The following HM13 variants were observed in gnomAD, a reference collection of about 807,000 sequenced individuals.
The protein encoded by HM13 is histocompatibility minor 13.
HM13 carries 18 observed loss-of-function variants against 50.0 expected under a neutral mutation model. The ratio of observed to expected loss-of-function variants is 0.36; its 90% CI spans 0.25 to 0.53. The LOEUF is 0.53. Ranked by LOEUF, HM13 falls within the 20% of genes least tolerant of loss-of-function variation. The pLI is 0.90. For missense variants in HM13, 393 were observed against 552.4 expected (o/e 0.71, Z 2.89); for synonymous variants, 197 against 232.6 (o/e 0.85, Z 1.39).
chr20:31,560,570 G>A (rs1271927754), intron 9 of HM13, among the ~76,000 whole-genome samples: 1 of 152,232 alleles, frequency 6.6e-6, no homozygotes, highest in Non-Finnish European at 1.5e-5. Flanking sequence ...CAGTCTGTAA[G>A]TAGAGGGATG....
chr20:31,523,049 G>T (rs1340395225), intron 1 of HM13, among the ~76,000 whole-genome samples: 1 of 149,278 alleles, frequency 6.7e-6, no homozygotes, highest in African/African-American at 2.5e-5. Flanking sequence ...TTTTTGGGAG[G>T]GGGGCTTTTT....
intron 10 of HM13, among the ~76,000 whole-genome samples, chr20:31,562,996 G>A (rs1378845200): frequency 3.9e-5 from 6 of 152,174 alleles, no homozygotes; most frequent in Non-Finnish European, 8.8e-5. Flanking sequence ...AATTCCCCCA[G>A]TGGCCATAAG....
intron 7 of HM13, chr20:31,550,376 G>A (rs1439782394): frequency 1.6e-5 from 8 of 503,354 alleles, no homozygotes; most frequent in African/African-American, 5.8e-5. Context: ...GCATGGAGGG[G>A]AAGTGTTTAA....
At chr20:31,521,544 A>G (rs1298950849) in intron 1 of HM13, among the ~76,000 whole-genome samples, 3 of 152,160 alleles carry the variant, frequency 2.0e-5, no homozygotes, top group Non-Finnish European at 1.5e-5. Context: ...CCTGACTAAC[A>G]TGGTGAAACC....
At position 31,549,192 on chromosome 20, in the gene HM13, C is replaced by A; in HGVS notation, c.541-15C>A. ...TGGGTCACAGCAAGCTGGTCTCACT[C>A]CCCGCTTTCCTCAGCACTGGATTGC... On this transcript the variant is annotated splice_polypyrimidine_tract_variant and intron_variant, in intron 5 of 12. Transcript: ENST00000398174. 3 of 1,614,198 alleles carry A rather than the reference C, an allele frequency of 1.9e-6. No homozygotes were observed. Among genetic ancestry groups the A allele is most frequent in the Non-Finnish European group, 2.5e-6 (3 of 1,180,026 alleles).
chr20:31,567,899 C>T, intron 11 of HM13, 179 bp from the exon 12 acceptor site: 2 of 593,320 alleles, frequency 3.4e-6, no homozygotes, highest in East Asian at 5.9e-5. Flanking sequence ...TGTCTAGGTG[C>T]ATCTTTCTTT....
chr20:31,543,442 C>A (rs113175755), intron 3 of HM13, among the ~76,000 whole-genome samples: 54 of 152,158 alleles, frequency 3.5e-4, no homozygotes, highest in Middle Eastern at 6.8e-3. Context: ...CCTGCCACCA[C>A]GCCGGGCTAA....
rs748371415 is a variant in HM13 at position 31,564,825 on chromosome 20, CAG to C, written c.949-1382_949-1381del. On this transcript the variant is annotated intron_variant, in intron 10 of 12. Coordinates refer to ENST00000398174, the MANE Select transcript of HM13 (RefSeq NM_178581.3). ...CACCATTGCACTCCAGTCTGGGAGA[CAG>C]AGCAAGACTCTATCTCAAAATCACA... Among the ~76,000 whole-genome samples the C allele has an allele frequency of 3.0e-5, 4 of 132,628 alleles. No homozygotes were observed. The East Asian group carries it at 8.7e-4, about 29-fold the overall frequency. The allele number at this position is 132,628 out of a possible 152,430, so 87.0% of individuals were successfully genotyped here. A position where few individuals can be genotyped will look rare whatever the true frequency, so the allele number is the denominator to read the frequency against.
chr20:31,518,161 A>G (rs1981917165), intron 1 of HM13, among the ~76,000 whole-genome samples: 1 of 150,056 alleles, frequency 6.7e-6, no homozygotes, highest in South Asian at 2.1e-4. Context: ...TCAGCCTCCC[A>G]TGTAGCTGGG....
chr20:31,536,568 C>T (rs1001713782), intron 2 of HM13, among the ~76,000 whole-genome samples: 2 of 152,150 alleles, frequency 1.3e-5, no homozygotes, highest in South Asian at 4.1e-4. Flanking sequence ...CACTCCAGTA[C>T]CAGCCTGTCT....
intron 4 of HM13, among the ~76,000 whole-genome samples, chr20:31,546,166 C>T (rs1983704447): frequency 6.6e-6 from 1 of 151,470 alleles, no homozygotes; most frequent in Non-Finnish European, 1.5e-5. Flanking sequence ...TCTCCTGCCT[C>T]AGCCTCCCGA....
intron 1 of HM13, among the ~76,000 whole-genome samples, chr20:31,522,197 CT>C (rs1194122726): frequency 6.6e-6 from 1 of 152,124 alleles, no homozygotes; most frequent in African/African-American, 2.4e-5. Flanking sequence ...CCTGCGTGTC[CT>C]TTGACAGCCC....
chr20:31,547,646 A>T, intron 4 of HM13: 1 of 1,572,742 alleles, frequency 6.4e-7, no homozygotes, highest in Non-Finnish European at 8.6e-7. Context: ...CCTAAGAAAG[A>T]TCCTGTCAAA....
Position 31,568,084 on chromosome 20 carries a change from G to C in HM13, c.1041G>C (p.Glu347Asp). Residue 347 changes from glutamate to aspartate, a missense_variant, in exon 12 of 13, where the codon GAG becomes GAC. Transcript: ENST00000398174. ...TTCTCTCTCTCTCACACAGCTACGA[G>C]TCCTCGGCGGAAATCCTGCCTCATA... ...KGEVTEMFSY[E>D]SSAEILPHTP... 6.2e-7 allele frequency: 1 copy of C among 1,609,072 alleles called. No homozygotes were observed.
chr20:31,559,729 AG>A, intron 9 of HM13, 82 bp downstream of exon 9: 1 of 1,324,802 alleles, frequency 7.5e-7, no homozygotes, highest in African/African-American at 1.4e-5. Flanking sequence ...AAGGTACCTC[AG>A]GAGACCAGAC....
chr20:31,517,295 T>G (rs370180016), intron 1 of HM13, among the ~76,000 whole-genome samples: 1 of 152,056 alleles, frequency 6.6e-6, no homozygotes, highest in African/African-American at 2.4e-5. Flanking sequence ...TCCAGGAGTA[T>G]GTTGTGAAGA....
At chr20:31,545,250 G>GT (rs1013694816) in intron 4 of HM13, among the ~76,000 whole-genome samples, 3 of 151,700 alleles carry the variant, frequency 2.0e-5, no homozygotes, top group Admixed American at 6.6e-5. Context: ...TTTTGTTTTT[G>GT]TTTTTTTTCC....
At chr20:31,516,877 A>G (rs998821019) in intron 1 of HM13, among the ~76,000 whole-genome samples, 5 of 152,220 alleles carry the variant, frequency 3.3e-5, no homozygotes, top group African/African-American at 7.2e-5. Context: ...TGCTCACAGC[A>G]ACTGAGGTGG....
chr20:31,547,756 C>T, intron 4 of HM13: 1 of 987,592 alleles, frequency 1.0e-6, no homozygotes. Context: ...TCTAAGGTTG[C>T]TTCACAAATA....
Sources: allele counts gnomAD v4.1 joint callset (sites outside exome capture counted in the v4.1 genomes callset), GRCh38; gene constraint gnomAD v4.1.1; transcripts MANE v1.5; gene names NCBI Gene and HGNC (gene_info 2026-07-23, HGNC 2026-07-21).